The following PRKCE variants were observed in gnomAD, a reference collection of about 807,000 sequenced individuals.
PRKCE encodes the protein protein kinase C epsilon type.
Under a neutral mutation model 85.4 loss-of-function variants are expected in PRKCE, and 16 were observed. The observed-to-expected ratio is 0.19, with a 90% CI of 0.13 to 0.28. The LOEUF is 0.28. Ranked by LOEUF, PRKCE falls within the 10% of genes least tolerant of loss-of-function variation. PRKCE has a pLI of 1.00. For synonymous variants in PRKCE, 388 were observed against 371.5 expected (o/e 1.04, Z -0.51); for missense variants, 573 against 975.2 (o/e 0.59, Z 5.49).
chr2:45,857,807 G>A (rs1376425920), intron 2 of PRKCE, among the ~76,000 whole-genome samples: 1 of 152,158 alleles, frequency 6.6e-6, no homozygotes, highest in Non-Finnish European at 1.5e-5. Context: ...GGCAGGGACT[G>A]TGTTTATTTT....
At chr2:45,937,217 T>TA (rs902308672) in intron 2 of PRKCE, among the ~76,000 whole-genome samples, 14 of 151,566 alleles carry the variant, frequency 9.2e-5, no homozygotes, top group Non-Finnish European at 1.3e-4. Context: ...TGCACTTAAA[T>TA]AAAAAAAAAT....
intron 1 of PRKCE, among the ~76,000 whole-genome samples, chr2:45,792,519 A>G (rs888223785): frequency 1.9e-4 from 29 of 152,058 alleles, no homozygotes; most frequent in African/African-American, 6.8e-4. Context: ...TTTCCCTTCT[A>G]TCAGCTTGTT....
chr2:46,061,069 T>C (rs570940038), intron 10 of PRKCE, among the ~76,000 whole-genome samples: 1 of 151,582 alleles, frequency 6.6e-6, no homozygotes, highest in African/African-American at 2.4e-5. Context: ...GCCAGATTTT[T>C]TGTCTTTAAT....
chr2:45,836,873 G>T (rs935657), intron 1 of PRKCE, among the ~76,000 whole-genome samples: 1 of 152,068 alleles, frequency 6.6e-6, no homozygotes, highest in East Asian at 1.9e-4. Context: ...CCCTGTCCCT[G>T]TTGCCCTTTT....
At chr2:45,961,113 G>C (rs1701346042) in intron 2 of PRKCE, among the ~76,000 whole-genome samples, 1 of 152,126 alleles carries the variant, frequency 6.6e-6, no homozygotes, top group South Asian at 2.1e-4. Context: ...CACAGGCCCT[G>C]GTTTCCATGT....
chr2:45,755,167 T>C (rs564430129), intron 1 of PRKCE, among the ~76,000 whole-genome samples: 11 of 152,322 alleles, frequency 7.2e-5, no homozygotes, highest in African/African-American at 2.6e-4. Flanking sequence ...TTGCACCTCT[T>C]TTGTGGCCAC....
chr2:46,017,481 T>A (rs932797612), intron 10 of PRKCE, among the ~76,000 whole-genome samples: 1 of 152,260 alleles, frequency 6.6e-6, no homozygotes, highest in African/African-American at 2.4e-5. Context: ...TTCCACGTTT[T>A]GGCTACTATG....
intron 11 of PRKCE, among the ~76,000 whole-genome samples, chr2:46,115,246 C>A (rs1194769208): frequency 6.6e-6 from 1 of 152,254 alleles, no homozygotes; most frequent in Non-Finnish European, 1.5e-5. Flanking sequence ...CTCTTGCCAT[C>A]TGGTCTTCTG....
intron 2 of PRKCE, among the ~76,000 whole-genome samples, chr2:45,860,315 C>A (rs550802776): frequency 9.2e-5 from 14 of 152,320 alleles, no homozygotes; most frequent in African/African-American, 3.4e-4. Context: ...AGATAACTTG[C>A]AAACTTACAT....
intron 1 of PRKCE, among the ~76,000 whole-genome samples, chr2:45,715,069 C>T (rs1477510018): frequency 6.6e-6 from 1 of 152,204 alleles, no homozygotes; most frequent in African/African-American, 2.4e-5. Flanking sequence ...CTGGGCTGCA[C>T]AAAGCTTTTC....
At chr2:45,653,380 T>G (rs1190269665) in intron 1 of PRKCE, among the ~76,000 whole-genome samples, 2 of 141,780 alleles carry the variant, frequency 1.4e-5, no homozygotes, top group Non-Finnish European at 3.1e-5. Context: ...GTTTTTTTTT[T>G]TTTTTTTTTT....
chr2:45,858,408 G>T (rs1183071165), intron 2 of PRKCE, among the ~76,000 whole-genome samples: 1 of 151,726 alleles, frequency 6.6e-6, no homozygotes, highest in Non-Finnish European at 1.5e-5. Flanking sequence ...AATACCCTCT[G>T]TGATTTGTTT....
chr2:45,756,369 A>T (rs1684005443), intron 1 of PRKCE, among the ~76,000 whole-genome samples: 1 of 152,206 alleles, frequency 6.6e-6, no homozygotes, highest in African/African-American at 2.4e-5. Flanking sequence ...AGAGGATGGG[A>T]AAGTACAAAA....
At chr2:45,775,808 C>G (rs1685705047) in intron 1 of PRKCE, among the ~76,000 whole-genome samples, 2 of 152,142 alleles carry the variant, frequency 1.3e-5, no homozygotes, top group African/African-American at 4.8e-5. Flanking sequence ...CTTAAAACAG[C>G]CTACAAGGCC....
intron 1 of PRKCE, among the ~76,000 whole-genome samples, chr2:45,659,805 C>T (rs1675551173): frequency 6.7e-6 from 1 of 150,340 alleles, no homozygotes; most frequent in Non-Finnish European, 1.5e-5. Context: ...AGTTCACCCT[C>T]TTATTTTATG....
chr2:45,715,203 G>A (rs745661265), intron 1 of PRKCE, among the ~76,000 whole-genome samples: 2 of 152,236 alleles, frequency 1.3e-5, no homozygotes, highest in East Asian at 3.8e-4. Context: ...CGCACCGCAG[G>A]AAGCAGAGGA....
chr2:45,990,776 C>G (rs552589045), intron 6 of PRKCE, among the ~76,000 whole-genome samples: 2 of 151,924 alleles, frequency 1.3e-5, no homozygotes, highest in Non-Finnish European at 2.9e-5. Flanking sequence ...ATTCTCCTGC[C>G]TCAGCCTCTG....
chr2:45,655,226 C>G (rs1675322095), intron 1 of PRKCE, among the ~76,000 whole-genome samples: 1 of 152,188 alleles, frequency 6.6e-6, no homozygotes, highest in South Asian at 2.1e-4. Context: ...GAATTGACAC[C>G]AAGTACCCAC....
At chr2:45,785,923 A>G (rs1382693845) in intron 1 of PRKCE, among the ~76,000 whole-genome samples, 1 of 152,146 alleles carries the variant, frequency 6.6e-6, no homozygotes, top group Non-Finnish European at 1.5e-5. Flanking sequence ...GACAGCAGGG[A>G]TGGCTCGTTG....
Sources: allele counts gnomAD v4.1 joint callset (sites outside exome capture counted in the v4.1 genomes callset), GRCh38; gene constraint gnomAD v4.1.1; transcripts MANE v1.5; gene names NCBI Gene and HGNC (gene_info 2026-07-23, HGNC 2026-07-21).